The following CCDC178 variants were observed in gnomAD, a reference collection of about 807,000 sequenced individuals.
CCDC178 encodes the protein coiled-coil domain-containing protein 178.
Under a neutral mutation model 117.4 loss-of-function variants are expected in CCDC178, and 126 were observed. The observed-to-expected ratio is 1.07, with a 90% CI of 0.93 to 1.24. The LOEUF is 1.24. Among genes scored for constraint, CCDC178 ranks in the 50% most tolerant of loss-of-function variants. The pLI is 0.00. For missense variants in CCDC178, 1,030 were observed against 986.9 expected, an observed-to-expected ratio of 1.04 and a Z score of -0.59; for synonymous variants, 283 against 313.4, an observed-to-expected ratio of 0.90 and a Z score of 1.02.
chr18:33,405,766 A>C (rs1568206298), intron 3 of CCDC178, among the ~76,000 whole-genome samples: 1 of 152,060 alleles, frequency 6.6e-6, no homozygotes, highest in Admixed American at 6.6e-5. Flanking sequence ...TGAATCTTGA[A>C]TATGTTAGCT....
At chr18:33,324,970 A>G (rs958653954) in intron 10 of CCDC178, among the ~76,000 whole-genome samples, 2 of 151,774 alleles carry the variant, frequency 1.3e-5, no homozygotes, top group Non-Finnish European at 3.0e-5. Context: ...TTTTGAAAAC[A>G]ACAGTCTTCT....
intron 5 of CCDC178, among the ~76,000 whole-genome samples, chr18:33,386,558 G>A (rs2063495306): frequency 6.6e-6 from 1 of 151,590 alleles, no homozygotes; most frequent in Admixed American, 6.6e-5. Flanking sequence ...AGGATGCAAG[G>A]TCAACATATG....
At chr18:33,000,094 T>C (rs2055600297) in intron 21 of CCDC178, among the ~76,000 whole-genome samples, 1 of 151,706 alleles carries the variant, frequency 6.6e-6, no homozygotes, top group South Asian at 2.1e-4. Context: ...AAATTCAAAA[T>C]ACCATCGAGA....
rs1244721123 is a variant in CCDC178, at chr18:33,438,634, C to T, written c.-23+1328G>A. On this transcript the variant is annotated intron_variant, in intron 2 of 22. Coordinates refer to ENST00000383096, the MANE Select transcript of CCDC178 (RefSeq NM_001105528.4). ...CCATTAGAGCTCACACACATGCAACCATCTGCTTGTAGATGTACTAATTTT... is the reference window on the plus strand; with the variant it reads ...CCATTAGAGCTCACACACATGCAACTATCTGCTTGTAGATGTACTAATTTT... 2.0e-5 allele frequency among the ~76,000 whole-genome samples: 3 copies of T among 151,842 alleles called. No individual in the cohort carries two copies. The East Asian group carries it at 5.8e-4, about 29-fold the overall frequency.
chr18:33,192,804 G>C (rs1415777717), intron 20 of CCDC178, among the ~76,000 whole-genome samples: 1 of 151,666 alleles, frequency 6.6e-6, no homozygotes, highest in Non-Finnish European at 1.5e-5. Context: ...GGGAGGCTGA[G>C]GCAGGAGAAT....
intron 14 of CCDC178, among the ~76,000 whole-genome samples, chr18:33,251,041 G>C (rs1210963826): frequency 1.3e-5 from 2 of 151,608 alleles, no homozygotes; most frequent in Non-Finnish European, 3.0e-5. Flanking sequence ...TCCAGAATAT[G>C]ACACGGAGAT....
chr18:33,017,954 A>G (rs949489893), intron 21 of CCDC178, among the ~76,000 whole-genome samples: 3 of 152,024 alleles, frequency 2.0e-5, no homozygotes, highest in Non-Finnish European at 4.4e-5. Context: ...TAAATTAAAA[A>G]CATTTGTGCT....
Position 33,303,368 on chromosome 18 carries a change from A to AT in CCDC178, c.1023-10057dup, listed in dbSNP as rs566867181. The stretch of plus-strand genomic sequence containing the variant: ...GCAAGGAATAAGTAGAGCAAAAAGG[A>AT]TTTTTTTTAAGTAGTACAGTGCAAC... On this transcript the variant is annotated intron_variant, in intron 11 of 22. Transcript: ENST00000383096. Among the ~76,000 whole-genome samples the AT allele has an allele frequency of 6.0e-4, 91 of 152,160 alleles. 1 individual carries two copies. Among genetic ancestry groups the AT allele is most frequent in the South Asian group, 1.2e-3 (6 of 4,820 alleles).
intron 21 of CCDC178, among the ~76,000 whole-genome samples, chr18:32,994,289 T>C (rs1185723766): frequency 6.6e-6 from 1 of 152,214 alleles, no homozygotes; most frequent in Non-Finnish European, 1.5e-5. Context: ...TTCAGAAACA[T>C]AAGTGCATAT....
At chr18:33,288,015 A>G (rs367867998) in intron 12 of CCDC178, among the ~76,000 whole-genome samples, 4 of 152,144 alleles carry the variant, frequency 2.6e-5, no homozygotes, top group Admixed American at 1.3e-4. Flanking sequence ...AGTATGTAAT[A>G]TTTTTAAAAC....
intron 5 of CCDC178, among the ~76,000 whole-genome samples, chr18:33,380,144 A>C (rs1282105394): frequency 6.6e-6 from 1 of 152,116 alleles, no homozygotes; most frequent in Non-Finnish European, 1.5e-5. Context: ...GATAGATGCA[A>C]CTAGTCCCAG....
At chr18:33,172,130 G>C (rs1045290373) in intron 20 of CCDC178, among the ~76,000 whole-genome samples, 4 of 152,068 alleles carry the variant, frequency 2.6e-5, no homozygotes, top group African/African-American at 9.7e-5. Flanking sequence ...GGCTGGTCTC[G>C]ACGATCCACC....
At chr18:33,156,486 A>T (rs773589008) in intron 20 of CCDC178, among the ~76,000 whole-genome samples, 1 of 151,958 alleles carries the variant, frequency 6.6e-6, no homozygotes, top group Non-Finnish European at 1.5e-5. Context: ...GGCATTGTAA[A>T]AGGAAAGAAG....
intron 15 of CCDC178, among the ~76,000 whole-genome samples, chr18:33,237,994 C>T (rs1378182188): frequency 1.3e-5 from 2 of 152,132 alleles, no homozygotes; most frequent in Admixed American, 6.5e-5. Context: ...GTCACACCAC[C>T]ACAGATTCTC....
At chr18:33,285,804 T>C (rs28521216) in intron 12 of CCDC178, among the ~76,000 whole-genome samples, 10,817 of 152,170 alleles carry the variant, frequency 0.071, 588 homozygotes, top group African/African-American at 0.15. Context: ...TTTAGCATGG[T>C]CATTAGTATA....
chr18:33,162,748 G>A (rs932819946), intron 20 of CCDC178, among the ~76,000 whole-genome samples: 19 of 152,094 alleles, frequency 1.2e-4, no homozygotes, highest in African/African-American at 1.9e-4. Flanking sequence ...CCATGTTCCC[G>A]CAAAAGACAT....
rs2058189180 is a variant in CCDC178 at position 33,140,527 on chromosome 18, A to T, written c.2239-47617T>A. Among the ~76,000 whole-genome samples, 4 of 152,294 alleles carry T rather than the reference A, an allele frequency of 2.6e-5. No homozygotes were observed. In the South Asian group the frequency reaches 8.3e-4, roughly 32 times the overall value. ...CAAAGGAGATCATTTTGGAGCTTTA[A>T]GATTTTACTGCCCTGCTGAATTTCA... On this transcript the variant is annotated intron_variant, in intron 20 of 22. Transcript: ENST00000383096.
At chr18:32,979,570 A>G (rs1217433187) in intron 21 of CCDC178, among the ~76,000 whole-genome samples, 2 of 152,216 alleles carry the variant, frequency 1.3e-5, no homozygotes, top group African/African-American at 4.8e-5. Flanking sequence ...AATGGGCAAG[A>G]TTTTATAAAG....
intron 21 of CCDC178, among the ~76,000 whole-genome samples, chr18:32,985,952 A>G (rs1432438777): frequency 6.6e-6 from 1 of 152,026 alleles, no homozygotes; most frequent in Non-Finnish European, 1.5e-5. Context: ...GTTCTACCAA[A>G]CTGGATTCAA....
Sources: allele counts gnomAD v4.1 joint callset (sites outside exome capture counted in the v4.1 genomes callset), GRCh38; gene constraint gnomAD v4.1.1; transcripts MANE v1.5; gene names NCBI Gene and HGNC (gene_info 2026-07-23, HGNC 2026-07-21).